The following OR1J2 variants were observed in gnomAD, a reference collection of about 807,000 sequenced individuals.
OR1J2 encodes olfactory receptor family 1 subfamily J member 2, also known as olfactory receptor 1J2.
For synonymous variants in OR1J2, 142 were observed against 99.7 expected (o/e 1.42, Z -2.52); for missense variants, 304 against 246.1 (o/e 1.24, Z -1.57).
chr9:122,539,121 C>T, the OR1J2 span, among the ~76,000 whole-genome samples: 2 of 152,024 alleles, frequency 1.3e-5, no homozygotes, highest in African/African-American at 4.8e-5. Context: ...ATTTATTTAT[C>T]TATTTTTTAA....
chr9:122,580,182 G>A, the OR1J2 span, among the ~76,000 whole-genome samples: 1 of 152,016 alleles, frequency 6.6e-6, no homozygotes, highest in African/African-American at 2.4e-5. Flanking sequence ...AAAAAAAAAT[G>A]TTCCAAGAAT....
At chr9:122,447,703 G>A in the OR1J2 span, among the ~76,000 whole-genome samples, 2 of 150,150 alleles carry the variant, frequency 1.3e-5, no homozygotes, top group Admixed American at 6.6e-5. Flanking sequence ...TCTTTCCTCC[G>A]CTCCTCCTTC....
chr9:122,449,881 C>T, the OR1J2 span, among the ~76,000 whole-genome samples: 1 of 152,060 alleles, frequency 6.6e-6, no homozygotes, highest in East Asian at 1.9e-4. Context: ...GTCAAGTCCT[C>T]AGGTTTTCTT....
the OR1J2 span, among the ~76,000 whole-genome samples, chr9:122,556,808 T>A: frequency 1.3e-5 from 2 of 152,222 alleles, no homozygotes; most frequent in Non-Finnish European, 2.9e-5. Flanking sequence ...GGGTTTTGAT[T>A]GAGGCTATGT....
chr9:122,531,877 A>G, the OR1J2 span, among the ~76,000 whole-genome samples: 8 of 152,178 alleles, frequency 5.3e-5, no homozygotes, highest in Non-Finnish European at 1.0e-4. Flanking sequence ...AACCTGTGGG[A>G]AAGGCCTCTA....
the OR1J2 span, among the ~76,000 whole-genome samples, chr9:122,464,065 G>A: frequency 1.3e-5 from 2 of 152,212 alleles, no homozygotes; most frequent in African/African-American, 4.8e-5. Flanking sequence ...TCAGGTAGGG[G>A]CAGGGTTAGG....
downstream of OR1J2, among the ~76,000 whole-genome samples, chr9:122,516,367 G>A (rs2119387761): frequency 6.7e-6 from 1 of 149,600 alleles, no homozygotes; most frequent in Non-Finnish European, 1.5e-5. Flanking sequence ...GCAGTGGCGG[G>A]ATCTCGGCTC....
the OR1J2 span, among the ~76,000 whole-genome samples, chr9:122,453,559 G>A: frequency 6.6e-6 from 1 of 152,196 alleles, no homozygotes; most frequent in Non-Finnish European, 1.5e-5. Context: ...TCCCTCAAGA[G>A]ATTGTAGGGT....
rs41277118 is a variant in OR1J2, at chr9:122,510,826, G to A, written c.25G>A (p.Val9Met). 19 of 1,596,958 alleles carry A rather than the reference G, an allele frequency of 1.2e-5. No individual in the cohort carries two copies. The highest frequency in any genetic ancestry group is 5.1e-5 in the Admixed American group (3 of 59,322). Residue 9 changes from valine to methionine, a missense_variant, in exon 1 of 1, where the codon GTG becomes ATG. By Grantham distance (21) the Val-to-Met change is conservative (BLOSUM62 1). Coordinates refer to ENST00000335302, the MANE Select transcript of OR1J2 (RefSeq NM_054107.1). MSPENQSS[V>M]SEFLLLGLPI... The stretch of plus-strand genomic sequence containing the variant: ...TATGAGCCCTGAGAACCAGAGCAGC[G>A]TGTCCGAGTTCCTCCTTCTGGGCCT...
the OR1J2 span, among the ~76,000 whole-genome samples, chr9:122,523,067 AG>A: frequency 9.7e-3 from 1,472 of 152,306 alleles, 27 homozygotes; most frequent in African/African-American, 0.033. Context: ...TAGTAACACA[AG>A]GGCGTATAGT....
At chr9:122,504,351 C>T in the OR1J2 span, among the ~76,000 whole-genome samples, 3 of 152,198 alleles carry the variant, frequency 2.0e-5, no homozygotes, top group South Asian at 2.1e-4. Flanking sequence ...ATGAGTTCTG[C>T]CCATTCAGAT....
At chr9:122,519,483 C>A in the OR1J2 span, 2 of 1,614,192 alleles carry the variant, frequency 1.2e-6, no homozygotes, top group South Asian at 1.1e-5. Context: ...CAATTTCCTT[C>A]TCACTTCAAT....
At chr9:122,563,231 G>T in the OR1J2 span, among the ~76,000 whole-genome samples, 1 of 151,636 alleles carries the variant, frequency 6.6e-6, no homozygotes, top group South Asian at 2.1e-4. Flanking sequence ...CTGGGATGAG[G>T]TGATATCTCA....
At chr9:122,578,020 CTT>C in the OR1J2 span, among the ~76,000 whole-genome samples, 1 of 152,310 alleles carries the variant, frequency 6.6e-6, no homozygotes, top group Non-Finnish European at 1.5e-5. Context: ...AAGGAAAACA[CTT>C]TTACACTGCT....
chr9:122,503,183 A>G, the OR1J2 span, among the ~76,000 whole-genome samples: 1 of 152,222 alleles, frequency 6.6e-6, no homozygotes, highest in Non-Finnish European at 1.5e-5. Flanking sequence ...ATGATAAATG[A>G]GATCTTGAAT....
chr9:122,520,040 C>A, the OR1J2 span: 1 of 1,614,038 alleles, frequency 6.2e-7, no homozygotes, highest in Non-Finnish European at 8.5e-7. Flanking sequence ...TAAAGGGAGC[C>A]CTGGAGAGAC....
chr9:122,455,949 T>C, the OR1J2 span, among the ~76,000 whole-genome samples: 1 of 152,254 alleles, frequency 6.6e-6, no homozygotes, highest in Non-Finnish European at 1.5e-5. Flanking sequence ...TTGAAGAGAC[T>C]ATTCTTTCTC....
chr9:122,576,306 C>T, the OR1J2 span, among the ~76,000 whole-genome samples: 3 of 152,074 alleles, frequency 2.0e-5, no homozygotes, highest in African/African-American at 7.2e-5. Flanking sequence ...ACTGCAACCT[C>T]CGCCTCCTGG....
chr9:122,492,378 A>AT, the OR1J2 span, among the ~76,000 whole-genome samples: 3 of 152,010 alleles, frequency 2.0e-5, no homozygotes, highest in Non-Finnish European at 4.4e-5. Context: ...TATGTACCAC[A>AT]TTTTTTTATT....
Sources: gnomAD v4.1 joint callset for allele counts (sites outside exome capture counted in the v4.1 genomes callset) on GRCh38, gnomAD v4.1.1 for gene constraint, MANE v1.5 for transcripts, NCBI Gene and HGNC (gene_info 2026-07-23, HGNC 2026-07-21) for gene names.